The following PRKCZ variants were observed in gnomAD, a reference collection of about 807,000 sequenced individuals.
PRKCZ encodes the protein protein kinase C zeta type.
Under a neutral mutation model 79.5 loss-of-function variants are expected in PRKCZ, and 33 were observed. The observed-to-expected ratio is 0.41, with a 90% CI of 0.31 to 0.55. The LOEUF (loss-of-function observed/expected upper bound fraction) is 0.55, where lower values mean the gene tolerates loss of function less well. PRKCZ is among the 20% of genes least tolerant of loss of function. The pLI, the probability that PRKCZ is intolerant of heterozygous loss-of-function variation, is 0.19. For missense variants in PRKCZ, 578 were observed against 813.5 expected (o/e 0.71, Z 3.52); for synonymous variants, 342 against 320.9 (o/e 1.07, Z -0.70).
intron 16 of PRKCZ, chr1:2,182,297 C>T: frequency 5.8e-6 from 1 of 171,250 alleles, no homozygotes; most frequent in Non-Finnish European, 1.3e-5. Context: ...GCCCCTCCTG[C>T]CCTGCATTTT....
At chr1:2,117,060 C>T (rs559340221) in intron 4 of PRKCZ, among the ~76,000 whole-genome samples, 23 of 152,040 alleles carry the variant, frequency 1.5e-4, no homozygotes, top group Non-Finnish European at 2.8e-4. Flanking sequence ...AGCAATCCTC[C>T]CACCTCAGCC....
chr1:2,063,908 C>T (rs545951212), intron 4 of PRKCZ, among the ~76,000 whole-genome samples: 39 of 148,672 alleles, frequency 2.6e-4, no homozygotes, highest in South Asian at 1.9e-3. Flanking sequence ...TGCAGTGGCA[C>T]GATCATGGCT....
At chr1:2,132,114 GGTTT>G (rs546306220) in intron 4 of PRKCZ, among the ~76,000 whole-genome samples, 56 of 152,240 alleles carry the variant, frequency 3.7e-4, no homozygotes, top group Non-Finnish European at 5.1e-4. Context: ...CCTAGTATTG[GGTTT>G]GTTTGTTTGT....
chr1:2,170,070 C>T (rs1684121547), intron 11 of PRKCZ, among the ~76,000 whole-genome samples: 1 of 152,152 alleles, frequency 6.6e-6, no homozygotes, highest in Non-Finnish European at 1.5e-5. Flanking sequence ...TGGGATTGTG[C>T]TGTCTTCATG....
intron 10 of PRKCZ, among the ~76,000 whole-genome samples, chr1:2,161,281 C>T (rs920211232): frequency 6.6e-5 from 10 of 152,260 alleles, no homozygotes; most frequent in South Asian, 2.1e-4. Flanking sequence ...CTAGCACTTC[C>T]GGAGCAGGAC....
chr1:2,174,061 T>A lies in PRKCZ; in HGVS notation c.1405+45T>A. The A allele has an allele frequency of 6.5e-7, 1 of 1,530,270 alleles. No individual in the cohort carries two copies. Among genetic ancestry groups the A allele is most frequent in the Non-Finnish European group, 8.8e-7 (1 of 1,132,072 alleles). The allele number at this position is 1,530,270 out of a possible 1,614,324, so 94.8% of individuals were successfully genotyped here. A position where few individuals can be genotyped will look rare whatever the true frequency, so the allele number is the denominator to read the frequency against. On this transcript the variant is annotated intron_variant, in intron 14 of 17. Transcript: ENST00000378567. This position sits in a 1 kb window ranked among gnomAD's most constrained non-coding sequence, Gnocchi z 6.2. ...TTCGTACCCCTCACCTGCACGACTG[T>A]CTTCCTTCCTTTTCAAAGGTGCAGG...
chr1:2,084,888 G>A (rs1366852128), intron 4 of PRKCZ, among the ~76,000 whole-genome samples: 1 of 152,014 alleles, frequency 6.6e-6, no homozygotes, highest in Non-Finnish European at 1.5e-5. Context: ...CACACCTGTC[G>A]TTCCAGCTCC....
chr1:2,090,333 G>A (rs914655349), intron 4 of PRKCZ, among the ~76,000 whole-genome samples: 7 of 152,142 alleles, frequency 4.6e-5, no homozygotes, highest in African/African-American at 1.7e-4. Flanking sequence ...CAGCCCTCCC[G>A]CAGAAGGGGC....
At chr1:2,144,626 T>C in intron 6 of PRKCZ, 4 of 1,241,402 alleles carry the variant, frequency 3.2e-6, no homozygotes, top group Non-Finnish European at 4.1e-6. Flanking sequence ...GGAGGTAAGG[T>C]TCATTCATAC....
chr1:2,185,317 A>T lies in PRKCZ; in HGVS notation c.*308A>T. 1 of 718,698 alleles carries T rather than the reference A, an allele frequency of 1.4e-6. No homozygotes were observed. Among genetic ancestry groups the T allele is most frequent in the East Asian group, 2.7e-5 (1 of 37,286 alleles). The allele number at this position is 718,698 out of a possible 1,614,324, so 44.5% of individuals were successfully genotyped here. A position where few individuals can be genotyped will look rare whatever the true frequency, so the allele number is the denominator to read the frequency against. On this transcript the variant is annotated 3_prime_UTR_variant, in exon 18 of 18. Transcript: ENST00000378567. ...AGGTGCACATTTTCCACGGAAACAG[A>T]ACTCGATGCACTGACCTGCTCCGCC... is the stretch of plus-strand genomic sequence containing the variant.
At chr1:2,164,021 T>C (rs1682842410) in intron 10 of PRKCZ, among the ~76,000 whole-genome samples, 2 of 152,260 alleles carry the variant, frequency 1.3e-5, no homozygotes, top group African/African-American at 2.4e-5. Context: ...GTCATCGTAA[T>C]GTAGCTGCTG....
At chr1:2,052,113 C>G (rs1169581711) in intron 1 of PRKCZ, among the ~76,000 whole-genome samples, 1 of 152,196 alleles carries the variant, frequency 6.6e-6, no homozygotes, top group Non-Finnish European at 1.5e-5. Context: ...GGAGCCACCA[C>G]ACTGGGCAAC....
intron 4 of PRKCZ, among the ~76,000 whole-genome samples, chr1:2,080,785 G>A (rs1305422328): frequency 2.0e-5 from 3 of 152,130 alleles, no homozygotes; most frequent in Non-Finnish European, 2.9e-5. Context: ...TGGCCGTCAC[G>A]TCTCCTTAGG....
chr1:2,072,611 G>A (rs567550088), intron 4 of PRKCZ, among the ~76,000 whole-genome samples: 1 of 152,314 alleles, frequency 6.6e-6, no homozygotes, highest in Non-Finnish European at 1.5e-5. Flanking sequence ...TGGGGCGACT[G>A]GGGGCCCGTG....
chr1:2,077,250 G>A (rs1662603691), intron 4 of PRKCZ, among the ~76,000 whole-genome samples: 1 of 152,202 alleles, frequency 6.6e-6, no homozygotes, highest in South Asian at 2.1e-4. Flanking sequence ...ATGTTATTTT[G>A]AAATAGGGGG....
At chr1:2,091,601 C>T (rs912957991) in intron 4 of PRKCZ, among the ~76,000 whole-genome samples, 5 of 152,090 alleles carry the variant, frequency 3.3e-5, no homozygotes, top group East Asian at 1.9e-4. Flanking sequence ...TTGCCTCTCC[C>T]GGTGGTTGGT....
At chr1:2,124,349 ACGGCGG>A (rs1673407057) in intron 4 of PRKCZ, among the ~76,000 whole-genome samples, 1 of 117,632 alleles carries the variant, frequency 8.5e-6, no homozygotes, top group African/African-American at 3.2e-5. Flanking sequence ...GGTTAGGGTC[ACGGCGG>A]TGGTTAGGGT....
At chr1:2,095,931 T>C (rs1571333798) in intron 4 of PRKCZ, among the ~76,000 whole-genome samples, 1 of 95,152 alleles carries the variant, frequency 1.1e-5, no homozygotes, top group African/African-American at 4.0e-5. Flanking sequence ...TCCCTTCCCC[T>C]CTCCTCCTTT....
At chr1:2,171,949 G>C in intron 11 of PRKCZ, 106 bp from the exon 12 acceptor site, 2 of 1,349,666 alleles carry the variant, frequency 1.5e-6, no homozygotes, top group Non-Finnish European at 2.0e-6. Flanking sequence ...TTGAGAGGAT[G>C]CCGGGCCCGT....
Sources: allele counts gnomAD v4.1 joint callset (sites outside exome capture counted in the v4.1 genomes callset), GRCh38; gene constraint gnomAD v4.1.1; non-coding constraint Gnocchi (gnomAD v3.1); transcripts MANE v1.5; gene names NCBI Gene and HGNC (gene_info 2026-07-23, HGNC 2026-07-21).